PGK1: variants seen among roughly 807,000 people sequenced by gnomAD.
PGK1 encodes the protein PRP 2.
A neutral mutation model predicts 26.9 loss-of-function variants in PGK1; 3 were observed. The ratio of observed to expected loss-of-function variants is 0.11; its 90% CI spans 0.05 to 0.29. PGK1 has a LOEUF of 0.29. PGK1 is among the 10% of genes least tolerant of loss of function. The pLI, the probability that PGK1 is intolerant of heterozygous loss-of-function variation, is 1.00. For synonymous variants in PGK1, 125 were observed against 115.3 expected, an observed-to-expected ratio of 1.08 and a Z score of -0.54; for missense variants, 270 against 314.7, an observed-to-expected ratio of 0.86 and a Z score of 1.07.
At chrX:78,113,168 T>C (rs183664631) in intron 2 of PGK1, among the ~76,000 whole-genome samples, 182 of 111,098 alleles carry the variant, frequency 1.6e-3, no homozygotes, top group African/African-American at 5.7e-3. Context: ...GGTGGTGCAT[T>C]CCTGTAGTTC....
chrX:78,111,381 A>C (rs2078300541), intron 2 of PGK1, among the ~76,000 whole-genome samples: 1 of 112,375 alleles, frequency 8.9e-6, no homozygotes, highest in Admixed American at 9.4e-5. Flanking sequence ...TGCTCCGCCT[A>C]TTTTAAATTT....
At chrX:78,125,467 G>T (rs1557248576) in intron 10 of PGK1, 42 bp downstream of exon 10, 2 of 902,443 alleles carry the variant, frequency 2.2e-6, no homozygotes. Context: ...GATAAGGGTG[G>T]ACTGTGCAGT....
chrX:78,121,837 T>G (rs2078356919), intron 6 of PGK1, among the ~76,000 whole-genome samples: 1 of 112,077 alleles, frequency 8.9e-6, no homozygotes, highest in Non-Finnish European at 1.9e-5. Flanking sequence ...CCTAGAATAG[T>G]GCTTGGCACA....
intron 6 of PGK1, among the ~76,000 whole-genome samples, chrX:78,122,589 T>C (rs782791610): frequency 2.7e-5 from 3 of 110,711 alleles, no homozygotes; most frequent in Non-Finnish European, 5.7e-5. Context: ...AAAAAATGTA[T>C]TGATGGTAAG....
chrX:78,106,597 C>T, intron 1 of PGK1: 1 of 752,526 alleles, frequency 1.3e-6, no homozygotes, highest in Non-Finnish European at 1.6e-6. Context: ...CTTTGTCCTG[C>T]AGAAGTGAAC....
At chrX:78,115,972 G>T (rs1322354091) in intron 4 of PGK1, among the ~76,000 whole-genome samples, 10 of 110,156 alleles carry the variant, frequency 9.1e-5, no homozygotes, top group Non-Finnish European at 1.7e-4. Flanking sequence ...CCTCATCCTT[G>T]TAGGGAGCTA....
chrX:78,120,225 ATAGTG>A (rs1213066985), intron 6 of PGK1, among the ~76,000 whole-genome samples: 1 of 111,383 alleles, frequency 9.0e-6, no homozygotes, highest in Middle Eastern at 4.2e-3. Context: ...AGTTGAGAGA[ATAGTG>A]TAGTAAACTC....
At chrX:78,104,477 C>T in intron 1 of PGK1, 72 bp downstream of exon 1, 2 of 792,230 alleles carry the variant, frequency 2.5e-6, no homozygotes, top group Non-Finnish European at 3.9e-6. Context: ...CCGACTTGTT[C>T]TCTCGTCTGC....
intron 1 of PGK1, among the ~76,000 whole-genome samples, chrX:78,107,849 A>T (rs990506397): frequency 9.0e-6 from 1 of 111,342 alleles, no homozygotes; most frequent in Non-Finnish European, 1.9e-5. Flanking sequence ...GTATTTGAGT[A>T]ATCAGTTTCT....
chrX:78,113,798 G>C lies in PGK1; in HGVS notation c.171G>C (p.Ser57=). Reference sequence around the variant, plus strand: ...TCTGCTTGGACAATGGAGCCAAGTCGGTAGTCCTTATGAGCCACCTAGGCC... The same window carrying C: ...TCTGCTTGGACAATGGAGCCAAGTCCGTAGTCCTTATGAGCCACCTAGGCC... ...IKFCLDNGAK[S]VVLMSHLGRP... is the part of the protein sequence containing the mutation. Residue 57 remains serine (S), a synonymous_variant, in exon 3 of 11, where the codon TCG becomes TCC. Coordinates refer to ENST00000373316, the MANE Select transcript of PGK1 (RefSeq NM_000291.4). The C allele has an allele frequency of 8.3e-7, 1 of 1,208,079 alleles. No individual in the cohort carries two copies. Among genetic ancestry groups the C allele is most frequent in the South Asian group, 1.8e-5 (1 of 56,895 alleles).
Position 78,114,173 on chromosome X carries a change from A to T in PGK1, c.417+13A>T, listed in dbSNP as rs1557247222. 8.3e-7 allele frequency: 1 copy of T among 1,200,489 alleles called. No homozygotes were observed. Among genetic ancestry groups the T allele is most frequent in the Admixed American group, 2.2e-5 (1 of 45,719 alleles). On this transcript the variant is annotated intron_variant, in intron 4 of 10. Coordinates refer to ENST00000373316, the MANE Select transcript of PGK1 (RefSeq NM_000291.4). ...TTCTGGGAACAAGGTAGGACCTGTG[A>T]TTTTGACATTATTGGGGGTGAGGGC... is the stretch of plus-strand genomic sequence containing the variant.
intron 5 of PGK1, among the ~76,000 whole-genome samples, chrX:78,117,748 T>C (rs966179370): frequency 2.1e-4 from 24 of 112,864 alleles, no homozygotes; most frequent in Non-Finnish European, 3.9e-4. Flanking sequence ...GGAATCCTCT[T>C]CTGCTATCAT....
At chrX:78,125,706 T>C (rs1443700206) in intron 10 of PGK1, 84 bp from the exon 11 acceptor site, 8 of 835,985 alleles carry the variant, frequency 9.6e-6, no homozygotes, top group Non-Finnish European at 1.4e-5. Context: ...GCTGGCATGT[T>C]ATTGGGAAGA....
In PGK1 at chrX:78,110,018, TAAAAC is replaced by T. The variant is rs199531011; in HGVS notation, c.116+105_116+109del. 1,163 of 590,263 alleles carry T rather than the reference TAAAAC, an allele frequency of 2.0e-3. 13 individuals carry two copies. In the African/African-American group the frequency reaches 0.022, roughly 11 times the overall value. The allele number at this position is 590,263 out of a possible 1,213,427, so 48.6% of individuals were successfully genotyped here. A position where few individuals can be genotyped will look rare whatever the true frequency, so the allele number is the denominator to read the frequency against. On this transcript the variant is annotated intron_variant, in intron 2 of 10. Transcript: ENST00000373316. ...ATTGTATTATGGAACTGTAGCAACT[TAAAAC>T]AAATGATTTTGGCTTTCTATCAACC...
At chrX:78,119,832 C>T (rs1557247828) in intron 6 of PGK1, among the ~76,000 whole-genome samples, 2 of 112,164 alleles carry the variant, frequency 1.8e-5, no homozygotes, top group East Asian at 5.6e-4. Flanking sequence ...TATAAATTAC[C>T]AAGTCTCAGG....
chrX:78,115,401 T>TA (rs1210366978), intron 4 of PGK1, among the ~76,000 whole-genome samples: 1 of 111,377 alleles, frequency 9.0e-6, no homozygotes, highest in Non-Finnish European at 1.9e-5. Flanking sequence ...CTCATGCCTG[T>TA]AATCCCAGCG....
intron 6 of PGK1, among the ~76,000 whole-genome samples, chrX:78,118,964 C>G (rs1024952137): frequency 1.8e-5 from 2 of 111,821 alleles, no homozygotes; most frequent in South Asian, 3.7e-4. Flanking sequence ...CATGCAGGTC[C>G]TCCTCCTGTG....
intron 6 of PGK1, among the ~76,000 whole-genome samples, chrX:78,118,728 A>G (rs886818988): frequency 7.2e-5 from 8 of 111,518 alleles, no homozygotes; most frequent in Non-Finnish European, 1.3e-4. Flanking sequence ...GGACAAAGGG[A>G]GGGGAATGGT....
rs781942448 is a variant in PGK1 at position 78,125,963 on chromosome X, C to A, written c.*133C>A. On this transcript the variant is annotated 3_prime_UTR_variant, in exon 11 of 11. Coordinates refer to ENST00000373316, the MANE Select transcript of PGK1 (RefSeq NM_000291.4). Reference sequence around the variant, plus strand: ...GGCCAAGAGATGCAGTGCCAGGAACCCTTAAACAGTTGCACAGCATCTCAG... The same window carrying A: ...GGCCAAGAGATGCAGTGCCAGGAACACTTAAACAGTTGCACAGCATCTCAG... 5.4e-4 allele frequency: 313 copies of A among 581,766 alleles called. 1 individual carries two copies. Among genetic ancestry groups the A allele is most frequent in the Non-Finnish European group, 7.7e-4 (254 of 329,967 alleles). The allele number at this position is 581,766 out of a possible 1,213,427, so 47.9% of individuals were successfully genotyped here.
Sources: gnomAD v4.1 joint callset for allele counts (sites outside exome capture counted in the v4.1 genomes callset) on GRCh38, gnomAD v4.1.1 for gene constraint, MANE v1.5 for transcripts, NCBI Gene and HGNC (gene_info 2026-07-23, HGNC 2026-07-21) for gene names.